The following BNC2 variants were observed in gnomAD, a reference collection of about 807,000 sequenced individuals.
BNC2 encodes zinc finger protein basonuclin-2.
In BNC2, 20 loss-of-function variants were observed where a neutral mutation model predicts 76.3. That is an observed-to-expected ratio of 0.26 (90% CI 0.18 to 0.38). The LOEUF (loss-of-function observed/expected upper bound fraction) is 0.38, where lower values mean the gene tolerates loss of function less well. BNC2 is among the 10% of genes least tolerant of loss of function. The pLI, the probability that BNC2 is intolerant of heterozygous loss-of-function variation, is 1.00. For synonymous variants in BNC2, 582 were observed against 514.8 expected (o/e 1.13, Z -1.77); for missense variants, 1,382 against 1,399.8 (o/e 0.99, Z 0.20).
chr9:16,670,112 C>G (rs910540389), intron 3 of BNC2, among the ~76,000 whole-genome samples: 1 of 152,058 alleles, frequency 6.6e-6, no homozygotes, highest in African/African-American at 2.4e-5. Context: ...TTAGTTTTTC[C>G]TTACACTCTT....
At chr9:16,813,570 A>G (rs1818111431) in intron 1 of BNC2, among the ~76,000 whole-genome samples, 1 of 152,090 alleles carries the variant, frequency 6.6e-6, no homozygotes, top group Non-Finnish European at 1.5e-5. Context: ...CAGCCAAAAA[A>G]CCATTATTTT....
At chr9:16,630,936 T>C (rs1821144730) in intron 3 of BNC2, among the ~76,000 whole-genome samples, 1 of 151,928 alleles carries the variant, frequency 6.6e-6, no homozygotes, top group Admixed American at 6.6e-5. Context: ...ACGGGGTTTC[T>C]CCACGTTGGT....
intron 3 of BNC2, among the ~76,000 whole-genome samples, chr9:16,676,848 A>G (rs1822659283): frequency 6.6e-6 from 1 of 152,224 alleles, no homozygotes; most frequent in Admixed American, 6.5e-5. Context: ...ATATTCACTA[A>G]CACACTTCTG....
At chr9:16,588,235 C>T (rs1163754085) in intron 3 of BNC2, among the ~76,000 whole-genome samples, 1 of 152,170 alleles carries the variant, frequency 6.6e-6, no homozygotes, top group African/African-American at 2.4e-5. Flanking sequence ...CCATTTATGG[C>T]CACAAGAAAC....
At chr9:16,777,317 AT>A (rs1286235791) in intron 1 of BNC2, among the ~76,000 whole-genome samples, 1 of 152,190 alleles carries the variant, frequency 6.6e-6, no homozygotes, top group Non-Finnish European at 1.5e-5. Flanking sequence ...ATTCTGCCAC[AT>A]GAGTTGTAAT....
At chr9:16,543,111 T>C (rs938225551) in intron 5 of BNC2, among the ~76,000 whole-genome samples, 1 of 152,114 alleles carries the variant, frequency 6.6e-6, no homozygotes, top group African/African-American at 2.4e-5. Context: ...GGAAGACTCA[T>C]AAAGCTCCCG....
chr9:16,856,606 T>G (rs1819264753), intron 1 of BNC2, among the ~76,000 whole-genome samples: 1 of 152,142 alleles, frequency 6.6e-6, no homozygotes, highest in Admixed American at 6.5e-5. Context: ...CAAGGGACAT[T>G]TACTGGGTGA....
intron 3 of BNC2, among the ~76,000 whole-genome samples, chr9:16,675,989 C>T (rs945943818): frequency 3.3e-5 from 5 of 152,000 alleles, no homozygotes; most frequent in South Asian, 2.1e-4. Flanking sequence ...CTCTTGAACC[C>T]GGGAGGCAGA....
chr9:16,837,044 G>A (rs1227083335), intron 1 of BNC2, among the ~76,000 whole-genome samples: 1 of 152,154 alleles, frequency 6.6e-6, no homozygotes, highest in Non-Finnish European at 1.5e-5. Flanking sequence ...GGTATCTCAG[G>A]TGGGGGACTA....
rs147566448 is a variant in BNC2, at chr9:16,436,859, T to C, written c.1335A>G (p.Ala445=). ...CTTTGTCATAGAATGTCTTCCCACA[T>C]GCATTACAGAACACTCTTCCTTTCC... ...ASRKGRVFCN[A]CGKTFYDKGT... Residue 445 remains alanine, a synonymous_variant, in exon 6 of 7, where the codon GCA becomes GCG. Coordinates refer to ENST00000380672, the MANE Select transcript of BNC2 (RefSeq NM_017637.6). The C allele has an allele frequency of 1.2e-5, 19 of 1,614,150 alleles. No individual in the cohort carries two copies. In the African/African-American group the frequency reaches 1.5e-4, roughly 12 times the overall value.
At chr9:16,683,431 T>C (rs1423893244) in intron 3 of BNC2, among the ~76,000 whole-genome samples, 1 of 152,188 alleles carries the variant, frequency 6.6e-6, no homozygotes, top group African/African-American at 2.4e-5. Flanking sequence ...GGAAGGTTAT[T>C]CTCAGAATCA....
chr9:16,651,918 G>C (rs984936366), intron 3 of BNC2, among the ~76,000 whole-genome samples: 1 of 152,176 alleles, frequency 6.6e-6, no homozygotes, highest in Non-Finnish European at 1.5e-5. Flanking sequence ...AGAGTGTTAA[G>C]AAATACCAAT....
At chr9:16,816,743 G>A (rs948719132) in intron 1 of BNC2, among the ~76,000 whole-genome samples, 1 of 152,082 alleles carries the variant, frequency 6.6e-6, no homozygotes, top group Admixed American at 6.6e-5. Context: ...TTCCTTAAGA[G>A]GCCCTACTCC....
chr9:16,455,702 G>A (rs1242448882), intron 5 of BNC2, among the ~76,000 whole-genome samples: 1 of 151,644 alleles, frequency 6.6e-6, no homozygotes, highest in Non-Finnish European at 1.5e-5. Context: ...TGAGGCAGGA[G>A]AATCGCTTGA....
At chr9:16,649,547 C>A (rs1821734307) in intron 3 of BNC2, among the ~76,000 whole-genome samples, 1 of 151,636 alleles carries the variant, frequency 6.6e-6, no homozygotes, top group South Asian at 2.1e-4. Context: ...GAGGGAAAAG[C>A]ATATTCTGTC....
chr9:16,603,470 C>T (rs1587224167), intron 3 of BNC2, among the ~76,000 whole-genome samples: 1 of 152,164 alleles, frequency 6.6e-6, no homozygotes, highest in East Asian at 1.9e-4. Flanking sequence ...TAACATCACA[C>T]ACCAAAAGTC....
chr9:16,732,025 C>T (rs1824518887), intron 2 of BNC2, among the ~76,000 whole-genome samples: 1 of 151,848 alleles, frequency 6.6e-6, no homozygotes, highest in Non-Finnish European at 1.5e-5. Flanking sequence ...GCAATTCCAC[C>T]AGCAGAGTAA....
At chr9:16,655,603 T>G (rs1266771535) in intron 3 of BNC2, among the ~76,000 whole-genome samples, 1 of 152,232 alleles carries the variant, frequency 6.6e-6, no homozygotes, top group Non-Finnish European at 1.5e-5. Flanking sequence ...ATTAATTAAA[T>G]GAATGAATCA....
chr9:16,728,313 C>G (rs1297755681), intron 2 of BNC2: 1 of 430,700 alleles, frequency 2.3e-6, no homozygotes, highest in Non-Finnish European at 4.3e-6. Flanking sequence ...GTCAACTGCA[C>G]TGTTCCACTG....
Sources: gnomAD v4.1 joint callset for allele counts (sites outside exome capture counted in the v4.1 genomes callset) on GRCh38, gnomAD v4.1.1 for gene constraint, MANE v1.5 for transcripts, NCBI Gene and HGNC (gene_info 2026-07-23, HGNC 2026-07-21) for gene names.